Variants in CARMIL2 observed in about 807,000 individuals in gnomAD.
CARMIL2 encodes the protein capping protein, Arp2/3 and myosin-I linker protein 2.
CARMIL2 carries 96 observed loss-of-function variants against 173.3 expected under a neutral mutation model. That is an observed-to-expected ratio of 0.55 (90% confidence interval 0.47 to 0.66). The LOEUF (loss-of-function observed/expected upper bound fraction) is 0.66. Ranked by LOEUF, CARMIL2 falls within the 30% of genes least tolerant of loss-of-function variation. The probability of loss-of-function intolerance (pLI) is 0.00; values close to 1 mark genes in which losing one functional copy is unlikely to be tolerated. For synonymous variants in CARMIL2, 830 were observed against 817.1 expected, an observed-to-expected ratio of 1.02 and a Z score of -0.27; for missense variants, 1,771 against 1,906.7, an observed-to-expected ratio of 0.93 and a Z score of 1.33.
chr16:67,652,820 CCG>C lies in CARMIL2; in HGVS notation c.2885-191_2885-190del, dbSNP rs921461454. On this transcript the variant is annotated intron_variant, in intron 28 of 37. Coordinates refer to ENST00000334583, the MANE Select transcript of CARMIL2 (RefSeq NM_001013838.3). The surrounding 1 kb of genome is among the most constrained non-coding windows in gnomAD (Gnocchi z 4.7). ...GCGCATGCTGGGCGGCGGCGCGGAG[CCG>C]CGCGCGCTCGGGGCCGCGCTCAGCA... 1.5e-5 allele frequency: 4 copies of C among 274,464 alleles called. No homozygotes were observed. The highest frequency in any genetic ancestry group is 6.9e-5 in the African/African-American group (3 of 43,600). The allele number at this position is 274,464 out of a possible 1,614,324, so 17.0% of individuals were successfully genotyped here.
In CARMIL2 at chr16:67,646,599, A is replaced by G; in HGVS notation, c.466+82A>G. 6.3e-7 allele frequency: 1 copy of G among 1,575,088 alleles called. No individual in the cohort carries two copies. On this transcript the variant is annotated intron_variant, in intron 6 of 37. Coordinates refer to ENST00000334583, the MANE Select transcript of CARMIL2 (RefSeq NM_001013838.3). This position sits in a 1 kb window ranked among gnomAD's most constrained non-coding sequence, Gnocchi z 4.6. The stretch of plus-strand genomic sequence containing the variant: ...GACCCGCAAGCTGGGGGGGCCCCAA[A>G]CTGAACAGAGCCATTCAGGTCCCAG...
chr16:67,648,082 G>T lies in CARMIL2; in HGVS notation c.1102G>T (p.Val368Leu). ...CTATAGCTTCCTGAGCCGTCCTAAC[G>T]TACTGTCGTTCCTGAATCTCGCAGG... The part of the protein sequence containing the change: ...GLYSFLSRPN[V>L]LSFLNLAGTD... The change falls in exon 14 of 38, where the codon GTA becomes TTA. Residue 368 changes from valine (V) to leucine (L), a missense_variant. Around this residue, in one of 3 missense-constraint regions of CARMIL2, gnomAD observed 944 missense variants for 975.6 expected, o/e 0.97. Transcript: ENST00000334583. The surrounding 1 kb of genome is among the most constrained non-coding windows in gnomAD (Gnocchi z 6.1). 1 of 1,612,694 alleles carries T rather than the reference G, an allele frequency of 6.2e-7. No homozygotes were observed. Among genetic ancestry groups the T allele is most frequent in the Non-Finnish European group, 8.5e-7 (1 of 1,179,482 alleles).
At chr16:67,650,953 T>A (rs1363876372) in intron 22 of CARMIL2, 2 of 502,264 alleles carry the variant, frequency 4.0e-6, no homozygotes, top group African/African-American at 1.9e-5. Flanking sequence ...CAGACATGAT[T>A]TACAACTCCT....
Position 67,648,540 on chromosome 16 carries a change from C to A in CARMIL2, c.1439+38C>A. 4.9e-6 allele frequency: 7 copies of A among 1,419,436 alleles called. No homozygotes were observed. Among genetic ancestry groups the A allele is most frequent in the Non-Finnish European group, 4.7e-6 (5 of 1,059,812 alleles). The allele number at this position is 1,419,436 out of a possible 1,614,324, so 87.9% of individuals were successfully genotyped here. On this transcript the variant is annotated intron_variant, in intron 15 of 37. Coordinates refer to ENST00000334583, the MANE Select transcript of CARMIL2 (RefSeq NM_001013838.3). This position sits in a 1 kb window ranked among gnomAD's most constrained non-coding sequence, Gnocchi z 6.1. ...CCCCGGCCACGCCCCCGCGGGCGCT[C>A]CCACCCTGCCCTGGCCTTCGCCCCT...
At position 67,649,935 on chromosome 16, in the gene CARMIL2, C is replaced by G; in HGVS notation, c.2049C>G (p.Ser683Arg). ...ACGACGTGGCCCAGGCGCAGCGCAG[C>G]CGCCCGGAACTGACAGCACGTGCAG... ...PLNDVAQAQRSRPELTARAVH... is the reference protein window; with the variant it reads ...PLNDVAQAQRRRPELTARAVH... Residue 683 changes from serine to arginine, a missense_variant, in exon 21 of 38, where the codon AGC becomes AGG. Physicochemically the swap from Ser to Arg is moderately radical, Grantham distance 110. This residue lies in a region of CARMIL2 where 944 missense variants were observed against 975.6 expected (regional missense o/e 0.97). Transcript: ENST00000334583. The surrounding 1 kb of genome is among the most constrained non-coding windows in gnomAD (Gnocchi z 6.7). The G allele has an allele frequency of 3.1e-6, 5 of 1,613,224 alleles. No homozygotes were observed. The highest frequency in any genetic ancestry group is 4.2e-6 in the Non-Finnish European group (5 of 1,179,810).
chr16:67,647,221 G>T, intron 9 of CARMIL2, 30 bp downstream of exon 9: 3 of 1,613,052 alleles, frequency 1.9e-6, no homozygotes, highest in Non-Finnish European at 2.5e-6. Context: ...GGGCAGGGAG[G>T]GGCCAAGGGT....
intron 9 of CARMIL2, 39 bp downstream of exon 9, chr16:67,647,230 GTGTGGGCCAGGGTGCAGCCCGC>G (rs1293939013): frequency 6.2e-7 from 1 of 1,612,194 alleles, no homozygotes. Flanking sequence ...GGGGCCAAGG[GTGTGGGCCAGGGTGCAGCCCGC>G]TGAGGGCCAG....
At position 67,651,818 on chromosome 16, in the gene CARMIL2, T is replaced by C; in HGVS notation, c.2561T>C (p.Leu854Pro). 1 of 1,612,080 alleles carries C rather than the reference T, an allele frequency of 6.2e-7. No individual in the cohort carries two copies. Among genetic ancestry groups the C allele is most frequent in the Non-Finnish European group, 8.5e-7 (1 of 1,179,522 alleles). Residue 854 changes from leucine to proline, a missense_variant, in exon 25 of 38, where the codon CTG (leucine) becomes CCG (proline). By Grantham distance (98) the Leu-to-Pro change is moderately conservative (BLOSUM62 -3). Transcript: ENST00000334583. The surrounding 1 kb of genome is among the most constrained non-coding windows in gnomAD (Gnocchi z 4.2). The stretch of plus-strand genomic sequence containing the variant: ...CTCCCGGAGCTGCTCCCAGAGCAGC[T>C]GCTGCAAGATGCCTTCACTAGGCTC... The part of the protein sequence containing the change: ...RGLPELLPEQ[L>P]LQDAFTRLRD...
chr16:67,656,516 C>A lies in CARMIL2; in HGVS notation c.3907C>A (p.Arg1303Ser), dbSNP rs755621592. The change falls in exon 35 of 38, where the codon CGT (arginine) becomes AGT (serine). Residue 1303 changes from arginine to serine, a missense_variant. This residue lies in a region of CARMIL2 where 817 missense variants were observed against 903.5 expected (regional missense o/e 0.90). Coordinates refer to ENST00000334583, the MANE Select transcript of CARMIL2 (RefSeq NM_001013838.3). Reference protein sequence around the residue: ...GQQLNAELRSRGWGQQDGPGP... With the variant: ...GQQLNAELRSSGWGQQDGPGP... ...GCAGTTGAATGCGGAGCTCAGGAGC[C>A]GTGGTTGGGGCCAACAGGATGGTCC... 1.4e-5 allele frequency: 22 copies of A among 1,613,426 alleles called. No homozygotes were observed. The East Asian group carries it at 2.2e-4, about 16-fold the overall frequency.
Position 67,648,243 on chromosome 16 carries a change from C to A in CARMIL2, c.1263C>A (p.Phe421Leu). Residue 421 changes from phenylalanine (F) to leucine (L), a missense_variant, in exon 14 of 38, where the codon TTC (phenylalanine) becomes TTA (leucine). Coordinates refer to ENST00000334583, the MANE Select transcript of CARMIL2 (RefSeq NM_001013838.3). This position sits in a 1 kb window ranked among gnomAD's most constrained non-coding sequence, Gnocchi z 6.1. ...CCAACAGCCTCCCCCCGCAGCTCTT[C>A]GCAGCGGTATCCCGAGGCTGCTGCA... ...GVANSLPPQL[F>L]AAVSRGCCTS... 1 of 1,602,710 alleles carries A rather than the reference C, an allele frequency of 6.2e-7. No homozygotes were observed. The highest frequency in any genetic ancestry group is 8.5e-7 in the Non-Finnish European group (1 of 1,176,744).
At position 67,648,848 on chromosome 16, in the gene CARMIL2, G is replaced by C; in HGVS notation, c.1510-45G>C. On this transcript the variant is annotated intron_variant, in intron 16 of 37. Transcript: ENST00000334583. The surrounding 1 kb of genome is among the most constrained non-coding windows in gnomAD (Gnocchi z 6.1). ...GGGCCGCCTGCCCCTCCCCACTCGC[G>C]GCCTAAGTGGGTCCCACTTCCCACC... 7 of 1,577,412 alleles carry C rather than the reference G, an allele frequency of 4.4e-6. No individual in the cohort carries two copies. Among genetic ancestry groups the C allele is most frequent in the African/African-American group, 1.4e-5 (1 of 73,990 alleles).
intron 33 of CARMIL2, 77 bp from the exon 34 acceptor site, chr16:67,656,151 G>C (rs541251188): frequency 2.5e-6 from 4 of 1,610,788 alleles, no homozygotes; most frequent in South Asian, 2.2e-5. Flanking sequence ...TCTCCTTGGG[G>C]AGGAAGGGGA....
rs1218100035 is a variant in CARMIL2 at position 67,646,754 on chromosome 16, T to C, written c.507T>C (p.Asn169=). The C allele has an allele frequency of 2.3e-5, 37 of 1,613,862 alleles. No homozygotes were observed. The highest frequency in any genetic ancestry group is 3.1e-5 in the Non-Finnish European group (36 of 1,179,884). Residue 169 remains asparagine (N), a synonymous_variant, in exon 7 of 38, where the codon AAT becomes AAC. Transcript: ENST00000334583. The surrounding 1 kb of genome is among the most constrained non-coding windows in gnomAD (Gnocchi z 4.6). ...CATACGAGGCTCTGTGTGACTACAA[T>C]GGCTTCCCTTTCCGAGAGGAGATTC... ...LETYEALCDY[N]GFPFREEIQW...
chr16:67,657,528 C>T lies in CARMIL2; in HGVS notation c.*10C>T. The T allele has an allele frequency of 6.2e-7, 1 of 1,613,736 alleles. No homozygotes were observed. The highest frequency in any genetic ancestry group is 1.3e-5 in the African/African-American group (1 of 75,054). On this transcript the variant is annotated 3_prime_UTR_variant, in exon 38 of 38. Coordinates refer to ENST00000334583, the MANE Select transcript of CARMIL2 (RefSeq NM_001013838.3). The surrounding 1 kb of genome is among the most constrained non-coding windows in gnomAD (Gnocchi z 4.5). ...CGGCCCCAATCCCTGATCCTCTCCT[C>T]TCCTGCCGCATGAGATTATTTTATT...
rs981877087 is a variant in CARMIL2, at chr16:67,649,986, C to T, written c.2082+18C>T. ...TCCATCAGGTGGGCGTCCCCCTCTT[C>T]CCTTGCCCTTCTCTGCACGGTAACT... On this transcript the variant is annotated intron_variant, in intron 21 of 37. Coordinates refer to ENST00000334583, the MANE Select transcript of CARMIL2 (RefSeq NM_001013838.3). This position sits in a 1 kb window ranked among gnomAD's most constrained non-coding sequence, Gnocchi z 6.7. The T allele has an allele frequency of 1.2e-5, 19 of 1,613,532 alleles. No individual in the cohort carries two copies. The highest frequency in any genetic ancestry group is 3.3e-4 in the Middle Eastern group (2 of 6,062).
chr16:67,655,333 G>A (rs554117611), intron 32 of CARMIL2, among the ~76,000 whole-genome samples: 2 of 152,356 alleles, frequency 1.3e-5, no homozygotes, highest in African/African-American at 2.4e-5. Context: ...TTGGGAGGGT[G>A]AGGCACGAGA....
intron 3 of CARMIL2, 112 bp downstream of exon 3, chr16:67,645,889 C>T: frequency 3.2e-6 from 5 of 1,550,208 alleles, no homozygotes; most frequent in Non-Finnish European, 3.5e-6. Context: ...TGCACCAGCA[C>T]TGGGCTCTGG....
rs752404447 is a variant in CARMIL2 at position 67,648,217 on chromosome 16, G to A, written c.1237G>A (p.Ala413Thr). ...AGGGCTCGGTCCCCCCGCGGGTGTA[G>A]CCAACAGCCTCCCCCCGCAGCTCTT... ...RGGLGPPAGV[A>T]NSLPPQLFAA... The change falls in exon 14 of 38, where the codon GCC becomes ACC. Residue 413 changes from alanine (A) to threonine (T), a missense_variant. Physicochemically the swap from Ala to Thr is moderately conservative, Grantham distance 58. Around this residue, in one of 3 missense-constraint regions of CARMIL2, gnomAD observed 944 missense variants for 975.6 expected, o/e 0.97. Coordinates refer to ENST00000334583, the MANE Select transcript of CARMIL2 (RefSeq NM_001013838.3). The surrounding 1 kb of genome is among the most constrained non-coding windows in gnomAD (Gnocchi z 6.1). 3.7e-6 allele frequency: 6 copies of A among 1,603,644 alleles called. No individual in the cohort carries two copies. Among genetic ancestry groups the A allele is most frequent in the Non-Finnish European group, 5.1e-6 (6 of 1,176,270 alleles).
At position 67,648,178 on chromosome 16, in the gene CARMIL2, A is replaced by C; in HGVS notation, c.1198A>C (p.Arg400=). 1 of 1,286,070 alleles carries C rather than the reference A, an allele frequency of 7.8e-7. No homozygotes were observed. The highest frequency in any genetic ancestry group is 1.1e-6 in the Non-Finnish European group (1 of 927,360). 79.7% of individuals were successfully genotyped at this position (1,286,070 alleles called of 1,614,324 possible). A position where few individuals can be genotyped will look rare whatever the true frequency, so the allele number is the denominator to read the frequency against. The change falls in exon 14 of 38, where the codon AGG becomes CGG. Residue 400 remains arginine, a synonymous_variant. Coordinates refer to ENST00000334583, the MANE Select transcript of CARMIL2 (RefSeq NM_001013838.3). The surrounding 1 kb of genome is among the most constrained non-coding windows in gnomAD (Gnocchi z 6.1). The part of the protein sequence containing the change: ...GGWMTGRADW[R]AGRGGLGPPA... ...ATGGATGACCGGCAGGGCGGACTGGAGGGCGGGACGGGGAGGGCTCGGTCC... is the reference window on the plus strand; with the variant it reads ...ATGGATGACCGGCAGGGCGGACTGGCGGGCGGGACGGGGAGGGCTCGGTCC...
Sources: allele counts gnomAD v4.1 joint callset (sites outside exome capture counted in the v4.1 genomes callset), GRCh38; gene constraint gnomAD v4.1.1; regional missense constraint gnomAD v4.1.1; non-coding constraint Gnocchi (gnomAD v3.1); transcripts MANE v1.5; gene names NCBI Gene and HGNC (gene_info 2026-07-23, HGNC 2026-07-21).